COX17: variants seen among roughly 807,000 people sequenced by gnomAD.
COX17 encodes cytochrome c oxidase copper chaperone COX17.
A neutral mutation model predicts 6.3 loss-of-function variants in COX17; 1 was observed. The observed-to-expected ratio is 0.16, with a 90% CI of 0.06 to 0.75. The LOEUF is 0.75. COX17 is among the 30% of genes least tolerant of loss of function. The pLI, the probability that COX17 is intolerant of heterozygous loss-of-function variation, is 0.77. For missense variants in COX17, 73 were observed against 81.2 expected, an observed-to-expected ratio of 0.90 and a Z score of 0.39; for synonymous variants, 26 against 30.5, an observed-to-expected ratio of 0.85 and a Z score of 0.49.
chr3:119,671,551 T>C lies in COX17; in HGVS notation c.*5-1886A>G, dbSNP rs75111268. On this transcript the variant is annotated intron_variant, in intron 2 of 2. Coordinates refer to ENST00000261070, the MANE Select transcript of COX17 (RefSeq NM_005694.2). ...ACCGATTTAGGTTAAGTTTATCTTA[T>C]AGCAATGCAGACAGTTGTGTTGGAT... Among the ~76,000 whole-genome samples the C allele has an allele frequency of 3.5e-3, 534 of 152,380 alleles. 6 individuals are homozygous for C. Among genetic ancestry groups the C allele is most frequent in the African/African-American group, 0.011 (459 of 41,596 alleles).
downstream of COX17, among the ~76,000 whole-genome samples, chr3:119,666,674 CTA>C (rs1321604416): frequency 2.0e-5 from 3 of 152,230 alleles, no homozygotes; most frequent in East Asian, 1.9e-4. Context: ...AGGGTAGAGT[CTA>C]TGTCTTACTA....
downstream of COX17, among the ~76,000 whole-genome samples, chr3:119,667,414 A>C (rs150932987): frequency 6.6e-5 from 10 of 152,264 alleles, no homozygotes; most frequent in African/African-American, 2.4e-4. Context: ...TTCCCTTACA[A>C]ATCAGGCAAG....
chr3:119,670,862 T>C (rs1238567053), intron 2 of COX17, among the ~76,000 whole-genome samples: 2 of 152,080 alleles, frequency 1.3e-5, no homozygotes, highest in Non-Finnish European at 2.9e-5. Context: ...TATTCAGTAC[T>C]AGTCCTTTAA....
intron 2 of COX17, among the ~76,000 whole-genome samples, chr3:119,673,404 C>T (rs1042818991): frequency 2.0e-5 from 3 of 152,136 alleles, no homozygotes; most frequent in African/African-American, 7.2e-5. Context: ...ATGTATCATG[C>T]AGGTGACAGT....
chr3:119,667,839 AAAAC>A (rs1384678216), downstream of COX17, among the ~76,000 whole-genome samples: 2 of 152,166 alleles, frequency 1.3e-5, no homozygotes, highest in South Asian at 2.1e-4. Flanking sequence ...CCAACAAAAT[AAAAC>A]AAACAAAAAT....
At chr3:119,675,098 T>C (rs377673780) in intron 2 of COX17, 47 bp downstream of exon 2, 2 of 1,298,420 alleles carry the variant, frequency 1.5e-6, no homozygotes, top group African/African-American at 2.9e-5. Flanking sequence ...AGCCCAATTG[T>C]TGCTAAATCT....
chr3:119,664,670 A>C (rs1413937779), downstream of COX17, among the ~76,000 whole-genome samples: 1 of 152,200 alleles, frequency 6.6e-6, no homozygotes, highest in African/African-American at 2.4e-5. Flanking sequence ...TTACTTGTCC[A>C]TGCTGGTTCA....
chr3:119,667,806 TTATTA>T (rs1230036767), downstream of COX17, among the ~76,000 whole-genome samples: 1 of 152,134 alleles, frequency 6.6e-6, no homozygotes, highest in Non-Finnish European at 1.5e-5. Flanking sequence ...GATTTCTTCC[TTATTA>T]TGTTTCCATT....
chr3:119,676,904 C>T lies in COX17; in HGVS notation c.107+300G>A, dbSNP rs990144433. 7.1e-6 allele frequency: 5 copies of T among 702,164 alleles called. No individual in the cohort carries two copies. The African/African-American group carries it at 8.7e-5, about 12-fold the overall frequency. 43.5% of individuals were successfully genotyped at this position (702,164 alleles called of 1,614,324 possible). Reference sequence around the variant, plus strand: ...AGTGGTTGAAGCTTGCCGTTCTCCTCTCTCTCCATCGTTTCCCGGTACTAA... The same window carrying T: ...AGTGGTTGAAGCTTGCCGTTCTCCTTTCTCTCCATCGTTTCCCGGTACTAA... On this transcript the variant is annotated intron_variant, in intron 1 of 2. Transcript: ENST00000261070.
At chr3:119,664,393 G>C (rs1034217803) in intron 3 of COX17, among the ~76,000 whole-genome samples, 1 of 152,194 alleles carries the variant, frequency 6.6e-6, no homozygotes. Context: ...ACATCACAGG[G>C]AAGGTGACTT....
chr3:119,677,044 G>C, intron 1 of COX17, 160 bp downstream of exon 1: 1 of 592,956 alleles, frequency 1.7e-6, no homozygotes, highest in Non-Finnish European at 3.0e-6. Flanking sequence ...GGCAGACAGG[G>C]AGGAGGAGTG....
At chr3:119,676,797 C>A (rs1188127375) in intron 1 of COX17, 1 of 701,334 alleles carries the variant, frequency 1.4e-6, no homozygotes, top group South Asian at 1.5e-5. Flanking sequence ...CAAGATGCAT[C>A]TTTATCCATG....
intron 3 of COX17, among the ~76,000 whole-genome samples, chr3:119,664,381 A>C (rs1401914052): frequency 6.6e-6 from 1 of 152,216 alleles, no homozygotes; most frequent in Non-Finnish European, 1.5e-5. Context: ...TTCCACGAGA[A>C]AACATCACAG....
downstream of COX17, among the ~76,000 whole-genome samples, chr3:119,666,650 C>G (rs992851182): frequency 1.3e-5 from 2 of 152,180 alleles, no homozygotes; most frequent in Non-Finnish European, 2.9e-5. Context: ...ATCCACTAGA[C>G]TATAAGCTCT....
intron 1 of COX17, 189 bp from the exon 2 acceptor site, chr3:119,675,422 C>A: frequency 1.9e-6 from 1 of 528,904 alleles, no homozygotes; most frequent in Non-Finnish European, 3.4e-6. Context: ...TGAAGACATT[C>A]CACAGATAAG....
At chr3:119,671,473 ATT>A (rs1405310558) in intron 2 of COX17, among the ~76,000 whole-genome samples, 1 of 152,176 alleles carries the variant, frequency 6.6e-6, no homozygotes, top group East Asian at 1.9e-4. Flanking sequence ...TTTGCAAAAT[ATT>A]TTTCCTTTGA....
At chr3:119,675,801 A>C (rs746431254) in intron 1 of COX17, among the ~76,000 whole-genome samples, 11 of 152,218 alleles carry the variant, frequency 7.2e-5, no homozygotes, top group Non-Finnish European at 1.2e-4. Flanking sequence ...TGATTTTGCA[A>C]ATAATCAAGT....
downstream of COX17, among the ~76,000 whole-genome samples, chr3:119,669,012 T>A (rs2053018047): frequency 6.6e-6 from 1 of 152,130 alleles, no homozygotes. Flanking sequence ...CTAATTAGTT[T>A]CTAATTAATA....
At chr3:119,669,004 A>G (rs2053017909), downstream of COX17, among the ~76,000 whole-genome samples, 2 of 152,084 alleles carry the variant, frequency 1.3e-5, no homozygotes, top group Non-Finnish European at 2.9e-5. Context: ...TCTAATTTCT[A>G]ATTAGTTTCT....
Sources: allele counts gnomAD v4.1 joint callset (sites outside exome capture counted in the v4.1 genomes callset), GRCh38; gene constraint gnomAD v4.1.1; transcripts MANE v1.5; gene names NCBI Gene and HGNC (gene_info 2026-07-23, HGNC 2026-07-21).